LTBP1: variants seen among roughly 807,000 people sequenced by gnomAD.
LTBP1 encodes the protein latent transforming growth factor beta binding protein 1.
Under a neutral mutation model 207.6 loss-of-function variants are expected in LTBP1, and 129 were observed. That is an observed-to-expected ratio of 0.62 (90% confidence interval 0.54 to 0.72). The LOEUF (loss-of-function observed/expected upper bound fraction) is 0.72, where lower values mean the gene tolerates loss of function less well. LTBP1 is among the 30% of genes least tolerant of loss of function. The pLI is 0.00. For missense variants in LTBP1, 2,281 were observed against 2,217.2 expected (o/e 1.03, Z -0.58); for synonymous variants, 963 against 833.7 (o/e 1.16, Z -2.67).
Position 33,228,407 on chromosome 2 carries a change from C to T in LTBP1, c.1876+6256C>T, listed in dbSNP as rs144204108. Among the ~76,000 whole-genome samples the T allele has an allele frequency of 5.3e-3, 814 of 152,260 alleles. 9 individuals are homozygous for T. Among genetic ancestry groups the T allele is most frequent in the Middle Eastern group, 0.031 (9 of 294 alleles). ...AAATTGAGACCTAGAGAGGCTAAGT[C>T]ATTTGTGCAGCATATTGCTAATAAG... On this transcript the variant is annotated intron_variant, in intron 9 of 33. Transcript: ENST00000404816.
At chr2:33,251,410 C>T (rs1019566708) in intron 10 of LTBP1, among the ~76,000 whole-genome samples, 1 of 152,144 alleles carries the variant, frequency 6.6e-6, no homozygotes, top group African/African-American at 2.4e-5. Flanking sequence ...CCTGTAATCC[C>T]AGCACTTTGG....
chr2:33,302,546 T>C (rs1213604194), intron 22 of LTBP1, among the ~76,000 whole-genome samples: 1 of 152,190 alleles, frequency 6.6e-6, no homozygotes, highest in Non-Finnish European at 1.5e-5. Flanking sequence ...TCTACATTTC[T>C]GACCAGAGAA....
At chr2:33,018,545 C>T (rs927116691) in intron 2 of LTBP1, among the ~76,000 whole-genome samples, 1 of 152,168 alleles carries the variant, frequency 6.6e-6, no homozygotes. Context: ...CTTCTGTTCT[C>T]TTGGGTGGAT....
chr2:33,241,595 T>C lies in LTBP1; in HGVS notation c.1877-2067T>C, dbSNP rs577540503. Among the ~76,000 whole-genome samples the C allele has an allele frequency of 1.3e-4, 20 of 152,276 alleles. 1 individual carries two copies. The South Asian group carries it at 3.9e-3, about 30-fold the overall frequency. ...GGAAAATTCTGGGTCCTCAATCTTA[T>C]CATGGAATGTGTAGTGGTGCAGCCA... On this transcript the variant is annotated intron_variant, in intron 9 of 33. Coordinates refer to ENST00000404816, the MANE Select transcript of LTBP1 (RefSeq NM_206943.4).
intron 3 of LTBP1, among the ~76,000 whole-genome samples, chr2:33,104,721 A>T (rs1256161291): frequency 6.6e-6 from 1 of 152,028 alleles, no homozygotes; most frequent in African/African-American, 2.4e-5. Flanking sequence ...GCATTTGAAG[A>T]TGTTGGCCTC....
rs181089996 is a variant in LTBP1 at position 33,275,891 on chromosome 2, G to C, written c.2960G>C (p.Gly987Ala). Residue 987 changes from glycine to alanine, a missense_variant, in exon 18 of 34, where the codon GGG becomes GCG. This residue lies in a region of LTBP1 where 1,671 missense variants were observed against 1,634.8 expected (regional missense o/e 1.02). Transcript: ENST00000404816. ...TTCCGGTGTGAATACTGTGACAGCG[G>C]GTACCGCATGACTCAGAGAGGCCGT... ...GAFRCEYCDS[G>A]YRMTQRGRCE... 1 of 1,606,480 alleles carries C rather than the reference G, an allele frequency of 6.2e-7. No homozygotes were observed. The highest frequency in any genetic ancestry group is 8.5e-7 in the Non-Finnish European group (1 of 1,176,358).
At position 33,104,596 on chromosome 2, in the gene LTBP1, G is replaced by A. The variant is rs114238577; in HGVS notation, c.864-5986G>A. On this transcript the variant is annotated intron_variant, in intron 3 of 33. Coordinates refer to ENST00000404816, the MANE Select transcript of LTBP1 (RefSeq NM_206943.4). ...CCATTTTTGAACTGACTCGATCCTT[G>A]TTTTTCTCCTCTTCTGACTTTTTGG... 8.0e-3 allele frequency among the ~76,000 whole-genome samples: 1,212 copies of A among 152,212 alleles called. 11 individuals carry two copies. The highest frequency in any genetic ancestry group is 0.01 in the Middle Eastern group (3 of 294).
chr2:32,973,034 T>G (rs986609554), intron 2 of LTBP1, among the ~76,000 whole-genome samples: 1 of 152,212 alleles, frequency 6.6e-6, no homozygotes, highest in African/African-American at 2.4e-5. Flanking sequence ...TTTTTGAATT[T>G]GTTGAGAATT....
At chr2:33,214,853 G>A (rs1558826885) in intron 7 of LTBP1, among the ~76,000 whole-genome samples, 2 of 150,090 alleles carry the variant, frequency 1.3e-5, no homozygotes, top group South Asian at 2.1e-4. Context: ...CCAGAATTAC[G>A]TGTTTTTTCA....
intron 31 of LTBP1, among the ~76,000 whole-genome samples, chr2:33,385,856 T>C (rs2095261365): frequency 1.3e-5 from 2 of 152,148 alleles, no homozygotes; most frequent in Non-Finnish European, 2.9e-5. Flanking sequence ...AGAGAAGACA[T>C]GGTGCAGAAA....
intron 3 of LTBP1, among the ~76,000 whole-genome samples, chr2:33,022,192 C>G (rs2075204209): frequency 6.6e-6 from 1 of 151,836 alleles, no homozygotes; most frequent in Non-Finnish European, 1.5e-5. Context: ...TTTTTACTTC[C>G]CCTTCGAATA....
At chr2:32,975,665 A>ATTC (rs1490699759) in intron 2 of LTBP1, among the ~76,000 whole-genome samples, 1 of 123,050 alleles carries the variant, frequency 8.1e-6, no homozygotes, top group African/African-American at 3.2e-5. Context: ...AGGCTCTGAG[A>ATTC]TTCTTTCCTC....
chr2:32,952,437 T>C (rs374143624), intron 2 of LTBP1, among the ~76,000 whole-genome samples: 4 of 152,318 alleles, frequency 2.6e-5, no homozygotes, highest in South Asian at 4.1e-4. Context: ...GAAATTATCG[T>C]GTGGGATGTG....
intron 17 of LTBP1, 143 bp downstream of exon 17, chr2:33,275,233 GGT>G (rs768860704): frequency 5.1e-6 from 5 of 989,624 alleles, no homozygotes; most frequent in Non-Finnish European, 4.3e-6. Context: ...CTAGATCCCA[GGT>G]GATATAAAAA....
chr2:33,339,526 T>G (rs2094591304), intron 24 of LTBP1, among the ~76,000 whole-genome samples: 1 of 152,192 alleles, frequency 6.6e-6, no homozygotes, highest in African/African-American at 2.4e-5. Flanking sequence ...GATCAGTAAA[T>G]AGTGATCTCA....
intron 26 of LTBP1, among the ~76,000 whole-genome samples, chr2:33,358,157 A>C (rs984834007): frequency 1.3e-5 from 2 of 152,168 alleles, no homozygotes; most frequent in African/African-American, 4.8e-5. Flanking sequence ...GGGCTTGACT[A>C]ACCCTCAGTT....
At chr2:33,254,863 T>TTG (rs2092799375) in intron 11 of LTBP1, among the ~76,000 whole-genome samples, 4 of 107,358 alleles carry the variant, frequency 3.7e-5, no homozygotes, top group South Asian at 3.2e-4. Flanking sequence ...TTTTTTTTTT[T>TTG]TTTTTTTTTT....
At chr2:33,196,855 A>G (rs184723486) in intron 7 of LTBP1, among the ~76,000 whole-genome samples, 1 of 152,324 alleles carries the variant, frequency 6.6e-6, no homozygotes, top group East Asian at 1.9e-4. Flanking sequence ...TAGAGAATTA[A>G]TGGAGAAAAT....
chr2:33,158,954 C>T (rs1471707551), intron 5 of LTBP1, among the ~76,000 whole-genome samples: 1 of 152,194 alleles, frequency 6.6e-6, no homozygotes, highest in Non-Finnish European at 1.5e-5. Context: ...CACAGTATAA[C>T]CATGCAATAG....
Sources: allele counts gnomAD v4.1 joint callset (sites outside exome capture counted in the v4.1 genomes callset), GRCh38; gene constraint gnomAD v4.1.1; regional missense constraint gnomAD v4.1.1; transcripts MANE v1.5; gene names NCBI Gene and HGNC (gene_info 2026-07-23, HGNC 2026-07-21).